Variants in ZNF705B observed in about 807,000 individuals in gnomAD.
ZNF705B encodes zinc finger protein 705B, also known as Putative zinc finger protein 705D-like protein LOC100132396.
ZNF705B carries 1 observed loss-of-function variant against 10.5 expected under a neutral mutation model. The observed-to-expected ratio is 0.10, with a 90% CI of 0.03 to 0.45. The LOEUF (loss-of-function observed/expected upper bound fraction) is 0.45, where lower values mean the gene tolerates loss of function less well. ZNF705B is among the 20% of genes least tolerant of loss of function. ZNF705B has a pLI of 0.97. For missense variants in ZNF705B, 14 were observed against 84.0 expected (o/e 0.17, Z 3.26); for synonymous variants, 4 against 25.4 (o/e 0.16, Z 2.53).
At position 7,944,673 on chromosome 8, in the gene ZNF705B, CT is replaced by C. The variant is rs1413210869; in HGVS notation, c.-71-2673del. Among the ~76,000 whole-genome samples, 2 of 86,266 alleles carry C rather than the reference CT, an allele frequency of 2.3e-5. 1 individual carries two copies. Among genetic ancestry groups the C allele is most frequent in the Non-Finnish European group, 5.1e-5 (2 of 39,366 alleles). 56.6% of individuals were successfully genotyped at this position (86,266 alleles called of 152,430 possible). The stretch of plus-strand genomic sequence containing the variant: ...ATGCAGAATGGCTCATTCCTCATGA[CT>C]TTTTAAGAGATCTGGGCCGGGCACG... On this transcript the variant is annotated intron_variant, in intron 2 of 6. Transcript: ENST00000400120.
At chr8:7,941,089 C>A (rs1373611107) in intron 2 of ZNF705B, among the ~76,000 whole-genome samples, 1 of 149,084 alleles carries the variant, frequency 6.7e-6, no homozygotes, top group Non-Finnish European at 1.5e-5. Context: ...CAGTCTGTCA[C>A]TGATGGACAT....
intron 2 of ZNF705B, among the ~76,000 whole-genome samples, chr8:7,945,140 G>GT (rs1329683254): frequency 9.5e-5 from 3 of 31,454 alleles, no homozygotes; most frequent in African/African-American, 2.1e-4. Context: ...TATAACATAA[G>GT]TTTTTAAAAG....
chr8:7,929,036 C>T (rs190570449), intron 1 of ZNF705B, among the ~76,000 whole-genome samples: 3 of 120,564 alleles, frequency 2.5e-5, no homozygotes, highest in Middle Eastern at 4.3e-3. Flanking sequence ...GAATTCACCG[C>T]TATATAATTC....
chr8:7,929,159 A>G, intron 1 of ZNF705B, among the ~76,000 whole-genome samples: 1 of 122,030 alleles, frequency 8.2e-6, no homozygotes, highest in Middle Eastern at 4.3e-3. Flanking sequence ...TCTTGAAATA[A>G]GGTAATGTCA....
At chr8:7,932,277 C>A (rs1227037968) in intron 2 of ZNF705B, among the ~76,000 whole-genome samples, 1 of 121,054 alleles carries the variant, frequency 8.3e-6, no homozygotes, top group African/African-American at 2.5e-5. Context: ...TCTGGCTGGG[C>A]TGCTGCTTCA....
At chr8:7,930,993 T>G (rs1276577071) in intron 2 of ZNF705B, among the ~76,000 whole-genome samples, 1 of 124,322 alleles carries the variant, frequency 8.0e-6, no homozygotes, top group African/African-American at 2.5e-5. Flanking sequence ...GTAGCTGGGA[T>G]TACAGGCATG....
At chr8:7,940,643 G>A (rs1391666897) in intron 2 of ZNF705B, among the ~76,000 whole-genome samples, 2 of 145,806 alleles carry the variant, frequency 1.4e-5, no homozygotes, top group Non-Finnish European at 3.0e-5. Context: ...CTCTGCTTTT[G>A]TGAGTTTGTC....
chr8:7,930,832 G>A (rs1339258040), intron 2 of ZNF705B, among the ~76,000 whole-genome samples: 3 of 98,114 alleles, frequency 3.1e-5, no homozygotes, highest in Admixed American at 1.3e-4. Flanking sequence ...AAGATGTGTT[G>A]TGTTATTTTT....
Position 7,928,453 on chromosome 8 carries a change from G to A in ZNF705B, c.-221-1834G>A, listed in dbSNP as rs1252144228. Among the ~76,000 whole-genome samples, 2 of 120,618 alleles carry A rather than the reference G, an allele frequency of 1.7e-5. 1 individual carries two copies. Among genetic ancestry groups the A allele is most frequent in the Non-Finnish European group, 4.0e-5 (2 of 50,348 alleles). The allele number at this position is 120,618 out of a possible 152,430, so 79.1% of individuals were successfully genotyped here. ...TCGTCTCTGCTAGGTACTTCTCAGG[G>A]GCTGAGGAAGTAAGGTAACCAGACA... is the stretch of plus-strand genomic sequence containing the variant. On this transcript the variant is annotated intron_variant, in intron 1 of 6. Transcript: ENST00000400120.
intron 1 of ZNF705B, among the ~76,000 whole-genome samples, chr8:7,927,326 A>T (rs1247898831): frequency 3.3e-5 from 4 of 120,948 alleles, no homozygotes; most frequent in Admixed American, 9.4e-5. Flanking sequence ...CTTATGGAGG[A>T]AAGTAGTATC....
At chr8:7,931,727 G>A (rs2698886) in intron 2 of ZNF705B, among the ~76,000 whole-genome samples, 9,924 of 128,032 alleles carry the variant, frequency 0.078, 332 homozygotes, top group African/African-American at 0.19. Context: ...TGCTGTCAGT[G>A]TCAGTGGTCC....
In ZNF705B at chr8:7,931,269, G is replaced by A. The variant is rs1345424431; in HGVS notation, c.-72+833G>A. On this transcript the variant is annotated intron_variant, in intron 2 of 6. Transcript: ENST00000400120. ...TAGCAGGTCAACTCTCGTGACCCCA[G>A]ATGGCATGTGCAGACACCAACAGTC... 5.9e-4 allele frequency among the ~76,000 whole-genome samples: 71 copies of A among 121,314 alleles called. 13 individuals are homozygous for A. Among genetic ancestry groups the A allele is most frequent in the East Asian group, 4.7e-4 (2 of 4,280 alleles). 79.6% of individuals were successfully genotyped at this position (121,314 alleles called of 152,430 possible). A position where few individuals can be genotyped will look rare whatever the true frequency, so the allele number is the denominator to read the frequency against.
intron 2 of ZNF705B, among the ~76,000 whole-genome samples, chr8:7,930,893 G>C (rs1278217173): frequency 7.8e-6 from 1 of 128,298 alleles, no homozygotes; most frequent in African/African-American, 2.5e-5. Flanking sequence ...GTCTAGCTCT[G>C]TAGGCCAGGC....
intron 1 of ZNF705B, among the ~76,000 whole-genome samples, chr8:7,928,178 T>A (rs1325358598): frequency 1.8e-5 from 2 of 111,372 alleles, no homozygotes; most frequent in African/African-American, 2.6e-5. Flanking sequence ...TTCAGGCCTC[T>A]TTTATAAGGG....
At chr8:7,929,348 G>T (rs1378291159) in intron 1 of ZNF705B, among the ~76,000 whole-genome samples, 3 of 121,454 alleles carry the variant, frequency 2.5e-5, no homozygotes, top group Non-Finnish European at 5.9e-5. Context: ...AATAAAAAAT[G>T]TTTAAAGGGT....
intron 2 of ZNF705B, among the ~76,000 whole-genome samples, chr8:7,932,028 G>A (rs1243379129): frequency 8.3e-6 from 1 of 119,900 alleles, no homozygotes; most frequent in African/African-American, 2.5e-5. Context: ...AATTGGCATT[G>A]TGCCACAGCT....
chr8:7,936,224 C>G lies in ZNF705B; in HGVS notation c.-72+5788C>G, dbSNP rs537164506. 2.0e-4 allele frequency among the ~76,000 whole-genome samples: 24 copies of G among 119,512 alleles called. 8 individuals are homozygous for G. In the East Asian group the frequency reaches 5.5e-3, roughly 27 times the overall value. The allele number at this position is 119,512 out of a possible 152,430, so 78.4% of individuals were successfully genotyped here. The stretch of plus-strand genomic sequence containing the variant: ...TTTTCTAACTTGCAATATGTTTGTG[C>G]GGAAATTTGTTGTTACTCTCGGTTC... On this transcript the variant is annotated intron_variant, in intron 2 of 6. Transcript: ENST00000400120.
At chr8:7,929,625 C>G (rs1819786484) in intron 1 of ZNF705B, among the ~76,000 whole-genome samples, 1 of 123,352 alleles carries the variant, frequency 8.1e-6, no homozygotes, top group Non-Finnish European at 1.9e-5. Context: ...AGGTTACACC[C>G]ATGCCATAAT....
intron 1 of ZNF705B, among the ~76,000 whole-genome samples, chr8:7,929,141 C>T (rs1265497547): frequency 2.5e-5 from 3 of 121,608 alleles, no homozygotes; most frequent in Non-Finnish European, 5.9e-5. Context: ...TCATGTAGCA[C>T]TTTCATATCT....
Sources: allele counts gnomAD v4.1 joint callset (sites outside exome capture counted in the v4.1 genomes callset), GRCh38; gene constraint gnomAD v4.1.1; transcripts MANE v1.5; gene names NCBI Gene and HGNC (gene_info 2026-07-23, HGNC 2026-07-21).